The following POLE2 variants were observed in gnomAD, a reference collection of about 807,000 sequenced individuals.
The protein encoded by POLE2 is DNA polymerase epsilon 2, accessory subunit, also known as DNA polymerase epsilon subunit 2.
In POLE2, 56 loss-of-function variants were observed where a neutral mutation model predicts 79.4. The ratio of observed to expected loss-of-function variants is 0.71; its 90% CI spans 0.57 to 0.88. The LOEUF (loss-of-function observed/expected upper bound fraction) is 0.88, where lower values mean the gene tolerates loss of function less well. POLE2 is among the 40% of genes least tolerant of loss of function. The pLI is 0.00. For synonymous variants in POLE2, 212 were observed against 214.0 expected, an observed-to-expected ratio of 0.99 and a Z score of 0.08; for missense variants, 598 against 638.9, an observed-to-expected ratio of 0.94 and a Z score of 0.69.
At chr14:49,672,744 C>T (rs1885990352) in intron 5 of POLE2, among the ~76,000 whole-genome samples, 1 of 152,136 alleles carries the variant, frequency 6.6e-6, no homozygotes, top group South Asian at 2.1e-4. Context: ...GGTGATCCAC[C>T]CACCTCGGCC....
intron 5 of POLE2, among the ~76,000 whole-genome samples, chr14:49,670,144 C>G (rs769079483): frequency 4.6e-5 from 7 of 151,812 alleles, no homozygotes; most frequent in Non-Finnish European, 7.4e-5. Context: ...AGTGAAACCA[C>G]GTCTCTACCA....
intron 2 of POLE2, among the ~76,000 whole-genome samples, chr14:49,682,637 AG>A (rs1295732721): frequency 1.2e-4 from 14 of 113,228 alleles, no homozygotes; most frequent in South Asian, 5.6e-4. Flanking sequence ...ACTCCTTCTC[AG>A]GGAAAAAAAA....
At chr14:49,664,919 G>C (rs1255789355) in intron 8 of POLE2, among the ~76,000 whole-genome samples, 188 bp downstream of exon 8, 5 of 152,156 alleles carry the variant, frequency 3.3e-5, no homozygotes, top group African/African-American at 1.2e-4. Flanking sequence ...GATTCATCTA[G>C]ATTCTCCAAA....
At chr14:49,646,221 A>G (rs1731011289) in intron 18 of POLE2, among the ~76,000 whole-genome samples, 1 of 151,778 alleles carries the variant, frequency 6.6e-6, no homozygotes, top group South Asian at 2.1e-4. Flanking sequence ...AGAAAAAGAC[A>G]ACTGGGCTGT....
Position 49,674,540 on chromosome 14 carries a change from C to G in POLE2, c.246-113G>C, listed in dbSNP as rs113830991. On this transcript the variant is annotated intron_variant, in intron 3 of 18. Coordinates refer to ENST00000216367, the MANE Select transcript of POLE2 (RefSeq NM_002692.4). ...TAATAACACACTTTTCACATTTTCT[C>G]AGGCCAGGCACACAATTTCTTTTTC... is the stretch of plus-strand genomic sequence containing the variant. 424 of 690,760 alleles carry G rather than the reference C, an allele frequency of 6.1e-4. 3 individuals are homozygous for G. In the African/African-American group the frequency reaches 6.8e-3, roughly 11 times the overall value. 42.8% of individuals were successfully genotyped at this position (690,760 alleles called of 1,614,324 possible). A position where few individuals can be genotyped will look rare whatever the true frequency, so the allele number is the denominator to read the frequency against.
rs374201091 is a variant in POLE2, at chr14:49,649,137, CTTTTTTTTTTTT to C, written c.1497+1116_1497+1127del. 5.1e-4 allele frequency among the ~76,000 whole-genome samples: 55 copies of C among 108,786 alleles called. No homozygotes were observed. The East Asian group carries it at 8.7e-3, about 17-fold the overall frequency. 71.4% of individuals were successfully genotyped at this position (108,786 alleles called of 152,430 possible). ...CAAAAAGTCAATTATATTTCTTTCC[CTTTTTTTTTTTT>C]TTTTTTTTTTTTTTTGAGACGCAGT... On this transcript the variant is annotated intron_variant, in intron 17 of 18. Transcript: ENST00000216367.
chr14:49,686,181 G>A (rs988803556), intron 1 of POLE2, among the ~76,000 whole-genome samples: 3 of 152,104 alleles, frequency 2.0e-5, no homozygotes, highest in African/African-American at 7.2e-5. Flanking sequence ...GTGTGGGCTG[G>A]ACCTAGTAAC....
intron 3 of POLE2, chr14:49,677,520 C>T (rs964507505): frequency 1.4e-5 from 7 of 494,800 alleles, no homozygotes; most frequent in South Asian, 1.1e-4. Flanking sequence ...AGGGCTCCCA[C>T]CAGGCCCTGA....
intron 2 of POLE2, among the ~76,000 whole-genome samples, chr14:49,680,110 G>A (rs1275800239): frequency 6.6e-6 from 1 of 152,194 alleles, no homozygotes; most frequent in Non-Finnish European, 1.5e-5. Flanking sequence ...AACACTTTGG[G>A]AGGCCAAGGC....
chr14:49,645,057 AAC>A (rs1555328938), intron 18 of POLE2, among the ~76,000 whole-genome samples: 2 of 151,876 alleles, frequency 1.3e-5, no homozygotes, highest in African/African-American at 2.4e-5. Context: ...AAAAAAAAAA[AAC>A]ACTGCAGTAA....
intron 3 of POLE2, chr14:49,677,404 G>A: frequency 2.1e-6 from 1 of 478,770 alleles, no homozygotes; most frequent in Non-Finnish European, 3.8e-6. Context: ...TTCATGCCAA[G>A]GGTTAGGCCC....
At position 49,650,275 on chromosome 14, in the gene POLE2, C is replaced by A; in HGVS notation, c.1487G>T (p.Cys496Phe). 1 of 1,590,922 alleles carries A rather than the reference C, an allele frequency of 6.3e-7. No homozygotes were observed. The highest frequency in any genetic ancestry group is 8.6e-7 in the Non-Finnish European group (1 of 1,165,096). Reference sequence around the variant, plus strand: ...TAACTACATTCTTACAGGGTTTATGCAGAGGCATTCGGTATTTGTCGTAGT... The same window carrying A: ...TAACTACATTCTTACAGGGTTTATGAAGAGGCATTCGGTATTTGTCGTAGT... ...PFTTTNTECL[C>F]INPGSFPRSG... The change falls in exon 17 of 19, where the codon TGC becomes TTC. Residue 496 changes from cysteine (C) to phenylalanine (F), a missense_variant. Coordinates refer to ENST00000216367, the MANE Select transcript of POLE2 (RefSeq NM_002692.4).
rs532070411 is a variant in POLE2 at position 49,651,788 on chromosome 14, C to G, written c.1212-411G>C. Among the ~76,000 whole-genome samples, 451 of 152,192 alleles carry G rather than the reference C, an allele frequency of 3.0e-3. 4 individuals carry two copies. The highest frequency in any genetic ancestry group is 0.01 in the African/African-American group (434 of 41,536). On this transcript the variant is annotated intron_variant, in intron 15 of 18. Transcript: ENST00000216367. The stretch of plus-strand genomic sequence containing the variant: ...TATTAATAGGATGATCAGAACAGGC[C>G]GGGCTCATAATTTAGTGTGACTTGA...
chr14:49,682,226 A>G (rs1594619610), intron 2 of POLE2, among the ~76,000 whole-genome samples: 1 of 147,670 alleles, frequency 6.8e-6, no homozygotes, highest in South Asian at 2.1e-4. Context: ...CTGACCTTGA[A>G]CTCCTGAACT....
At chr14:49,672,364 G>A (rs1885958425) in intron 5 of POLE2, among the ~76,000 whole-genome samples, 1 of 151,888 alleles carries the variant, frequency 6.6e-6, no homozygotes, top group Non-Finnish European at 1.5e-5. Flanking sequence ...AGCAGCAGAG[G>A]ATGCTGGTTC....
At chr14:49,651,420 A>G in intron 15 of POLE2, 43 bp from the exon 16 acceptor site, 1 of 833,898 alleles carries the variant, frequency 1.2e-6, no homozygotes, top group Non-Finnish European at 1.9e-6. Flanking sequence ...TCAGAAAAAA[A>G]TGATATTAAT....
At chr14:49,657,441 T>C (rs949655153) in intron 10 of POLE2, among the ~76,000 whole-genome samples, 2 of 151,974 alleles carry the variant, frequency 1.3e-5, no homozygotes, top group African/African-American at 4.8e-5. Flanking sequence ...TTTTTTTTTT[T>C]TTCTTTTTTT....
intron 3 of POLE2, chr14:49,677,285 A>G (rs1473936687): frequency 5.1e-6 from 3 of 590,972 alleles, no homozygotes; most frequent in South Asian, 1.9e-5. Context: ...CCGTTCTTTA[A>G]GAGAGATATA....
chr14:49,655,531 A>T (rs1013911364), intron 11 of POLE2, 140 bp downstream of exon 11: 1 of 650,522 alleles, frequency 1.5e-6, no homozygotes. Flanking sequence ...CTTTAAAATG[A>T]AATCTAATTT....
Sources: gnomAD v4.1 joint callset for allele counts (sites outside exome capture counted in the v4.1 genomes callset) on GRCh38, gnomAD v4.1.1 for gene constraint, MANE v1.5 for transcripts, NCBI Gene and HGNC (gene_info 2026-07-23, HGNC 2026-07-21) for gene names.